MARCHF3: variants seen among roughly 807,000 people sequenced by gnomAD.
MARCHF3 encodes the protein E3 ubiquitin-protein ligase MARCHF3.
MARCHF3 carries 13 observed loss-of-function variants against 24.2 expected under a neutral mutation model. That is an observed-to-expected ratio of 0.54 (90% CI 0.35 to 0.85). The LOEUF is 0.85. Ranked by LOEUF, MARCHF3 falls within the 40% of genes least tolerant of loss-of-function variation. The pLI, the probability that MARCHF3 is intolerant of heterozygous loss-of-function variation, is 0.01. For missense variants in MARCHF3, 276 were observed against 325.0 expected (o/e 0.85, Z 1.16); for synonymous variants, 144 against 137.3 (o/e 1.05, Z -0.34).
chr5:126,892,274 C>A (rs1211283938), intron 3 of MARCHF3, among the ~76,000 whole-genome samples: 10 of 149,252 alleles, frequency 6.7e-5, no homozygotes, highest in Admixed American at 6.0e-4. Context: ...ATTGAATACC[C>A]TTTATTTCCT....
intron 4 of MARCHF3, among the ~76,000 whole-genome samples, chr5:126,876,650 C>T (rs533758842): frequency 2.6e-5 from 4 of 152,020 alleles, no homozygotes; most frequent in South Asian, 4.2e-4. Context: ...ACTTTGGAAG[C>T]GTAGACTTTT....
intron 1 of MARCHF3, among the ~76,000 whole-genome samples, chr5:127,005,157 G>A (rs572376243): frequency 2.0e-4 from 24 of 118,510 alleles, no homozygotes; most frequent in African/African-American, 7.6e-4. Context: ...TTTTTTTTGA[G>A]ATGGAGTCTT....
chr5:126,963,695 G>C (rs749105269), intron 1 of MARCHF3, among the ~76,000 whole-genome samples: 1 of 152,140 alleles, frequency 6.6e-6, no homozygotes, highest in Non-Finnish European at 1.5e-5. Context: ...AATCTGGTGG[G>C]TTTTTAAGCA....
chr5:126,987,586 T>A (rs1280538022), intron 1 of MARCHF3, among the ~76,000 whole-genome samples: 1 of 151,960 alleles, frequency 6.6e-6, no homozygotes, highest in African/African-American at 2.4e-5. Flanking sequence ...CACTTCCCCA[T>A]CCCCCAACCC....
intron 3 of MARCHF3, among the ~76,000 whole-genome samples, chr5:126,906,012 GT>G: frequency 6.6e-6 from 1 of 151,700 alleles, no homozygotes; most frequent in Non-Finnish European, 1.5e-5. Context: ...TTTATTGAGA[GT>G]TTTTAGCATG....
chr5:126,903,217 C>G (rs1021942847), intron 3 of MARCHF3, among the ~76,000 whole-genome samples: 5 of 151,978 alleles, frequency 3.3e-5, no homozygotes, highest in Non-Finnish European at 7.4e-5. Flanking sequence ...CCTGGAACCT[C>G]AACTGTAAAT....
chr5:126,962,616 T>C (rs1474934099), intron 1 of MARCHF3, among the ~76,000 whole-genome samples: 1 of 152,124 alleles, frequency 6.6e-6, no homozygotes, highest in Non-Finnish European at 1.5e-5. Flanking sequence ...ATGTGCAAAA[T>C]TATTTAAAAT....
intron 1 of MARCHF3, among the ~76,000 whole-genome samples, chr5:126,972,824 A>T (rs1002960801): frequency 6.6e-6 from 1 of 152,202 alleles, no homozygotes; most frequent in Non-Finnish European, 1.5e-5. Flanking sequence ...ACACCAAAAA[A>T]ACCCTGTATA....
At chr5:126,907,459 C>G (rs1331441111) in intron 3 of MARCHF3, among the ~76,000 whole-genome samples, 7 of 149,084 alleles carry the variant, frequency 4.7e-5, no homozygotes, top group East Asian at 3.9e-4. Flanking sequence ...GTCTAAGTCT[C>G]TTTGTAGGTC....
At chr5:126,956,437 G>C (rs951373734) in intron 1 of MARCHF3, among the ~76,000 whole-genome samples, 12 of 151,698 alleles carry the variant, frequency 7.9e-5, no homozygotes, top group Non-Finnish European at 1.8e-4. Context: ...CCAGGAGTTC[G>C]AGACCAGCCT....
intron 3 of MARCHF3, among the ~76,000 whole-genome samples, chr5:126,911,009 T>C (rs1754506538): frequency 6.6e-6 from 1 of 152,164 alleles, no homozygotes; most frequent in South Asian, 2.1e-4. Context: ...GCTGTAGGGA[T>C]GAAATAAGCC....
intron 1 of MARCHF3, among the ~76,000 whole-genome samples, chr5:126,998,629 G>C (rs549684896): frequency 6.6e-6 from 1 of 152,176 alleles, no homozygotes; most frequent in African/African-American, 2.4e-5. Context: ...GTAAGGGAAG[G>C]TCAGGAGCAG....
chr5:126,945,589 G>A (rs779393027), intron 1 of MARCHF3, among the ~76,000 whole-genome samples: 1 of 148,902 alleles, frequency 6.7e-6, no homozygotes, highest in Non-Finnish European at 1.5e-5. Flanking sequence ...GGGCCAGGTG[G>A]GAGGGAGAAG....
intron 4 of MARCHF3, among the ~76,000 whole-genome samples, chr5:126,875,426 C>CCCT (rs1491133800): frequency 6.6e-5 from 10 of 152,240 alleles, no homozygotes; most frequent in Non-Finnish European, 1.3e-4. Context: ...CCAGGAACGG[C>CCCT]TCCTCTGAGG....
At chr5:127,008,881 ATTT>A (rs1752395856) in intron 1 of MARCHF3, among the ~76,000 whole-genome samples, 4 of 6,078 alleles carry the variant, frequency 6.6e-4, no homozygotes, top group African/African-American at 2.2e-3. Context: ...TCTTTAAAAA[ATTT>A]ATTTATTTAT....
chr5:126,977,772 A>T (rs1751252749), intron 1 of MARCHF3, among the ~76,000 whole-genome samples: 1 of 152,276 alleles, frequency 6.6e-6, no homozygotes, highest in South Asian at 2.1e-4. Flanking sequence ...AGCATGTTGC[A>T]TGTATACAAG....
intron 3 of MARCHF3, among the ~76,000 whole-genome samples, chr5:126,888,615 T>G (rs749147167): frequency 6.6e-6 from 1 of 152,240 alleles, no homozygotes; most frequent in Non-Finnish European, 1.5e-5. Flanking sequence ...TTCAGAATTA[T>G]GTGGCATATC....
At chr5:126,918,354 C>A (rs2126795043) in intron 1 of MARCHF3, 127 bp from the exon 2 acceptor site, 1 of 623,372 alleles carries the variant, frequency 1.6e-6, no homozygotes, top group East Asian at 2.8e-5. Flanking sequence ...AGATGTGGCA[C>A]ATTATCTTGT....
intron 1 of MARCHF3, among the ~76,000 whole-genome samples, chr5:126,972,488 G>A (rs1751052703): frequency 6.6e-6 from 1 of 152,122 alleles, no homozygotes; most frequent in Admixed American, 6.6e-5. Context: ...GGTGAGATGA[G>A]GTCAATTAAC....
Sources: gnomAD v4.1 joint callset for allele counts (sites outside exome capture counted in the v4.1 genomes callset) on GRCh38, gnomAD v4.1.1 for gene constraint, MANE v1.5 for transcripts, NCBI Gene and HGNC (gene_info 2026-07-23, HGNC 2026-07-21) for gene names.